VTCN1: variants seen among roughly 807,000 people sequenced by gnomAD.
The protein encoded by VTCN1 is V-set domain-containing T-cell activation inhibitor 1.
A neutral mutation model predicts 26.5 loss-of-function variants in VTCN1; 26 were observed. The ratio of observed to expected loss-of-function variants is 0.98; its 90% CI spans 0.72 to 1.36. The LOEUF is 1.36. Among genes scored for constraint, VTCN1 ranks in the 40% most tolerant of loss-of-function variants. The pLI is 0.00. For synonymous variants in VTCN1, 116 were observed against 130.7 expected (o/e 0.89, Z 0.77); for missense variants, 298 against 337.7 (o/e 0.88, Z 0.92).
chr1:117,153,402 C>A, intron 3 of VTCN1, 33 bp from the exon 4 acceptor site: 1 of 1,576,712 alleles, frequency 6.3e-7, no homozygotes, highest in South Asian at 1.2e-5. Context: ...GGGCAGATGC[C>A]AAAGTCAGAC....
intron 1 of VTCN1, among the ~76,000 whole-genome samples, chr1:117,180,627 G>C (rs1647627972): frequency 6.6e-6 from 1 of 152,256 alleles, no homozygotes; most frequent in Admixed American, 6.5e-5. Flanking sequence ...CTAATTGTCT[G>C]TCTTCCAAAG....
chr1:117,177,059 A>G (rs766310626), intron 1 of VTCN1, among the ~76,000 whole-genome samples: 11 of 152,232 alleles, frequency 7.2e-5, no homozygotes, highest in Admixed American at 1.3e-4. Context: ...AGATCGTGCC[A>G]TTGCACTCCA....
chr1:117,198,384 T>C (rs1648619079), intron 1 of VTCN1, among the ~76,000 whole-genome samples: 1 of 152,206 alleles, frequency 6.6e-6, no homozygotes, highest in Admixed American at 6.5e-5. Context: ...GGATTCCAGA[T>C]AGTGGGACAG....
Position 117,156,734 on chromosome 1 carries a change from T to G in VTCN1, c.285A>C (p.Glu95Asp). 1.2e-6 allele frequency: 2 copies of G among 1,614,146 alleles called. No individual in the cohort carries two copies. The highest frequency in any genetic ancestry group is 1.7e-6 in the Non-Finnish European group (2 of 1,180,014). The change falls in exon 3 of 6, where the codon GAA becomes GAC. Residue 95 changes from glutamate (E) to aspartate (D), a missense_variant. Coordinates refer to ENST00000369458, the MANE Select transcript of VTCN1 (RefSeq NM_024626.4). ...ACACTGCTGTCCGGCCTCTGAACAT[T>G]TCATCCTGCTCCGACAGCTCATCTT... The part of the protein sequence containing the change: ...EGKDELSEQD[E>D]MFRGRTAVFA...
rs1387781456 is a variant in VTCN1, at chr1:117,159,307, G to C, written c.98-2386C>G. Among the ~76,000 whole-genome samples the C allele has an allele frequency of 2.0e-5, 3 of 152,236 alleles. No homozygotes were observed. The highest frequency in any genetic ancestry group is 4.4e-5 in the Non-Finnish European group (3 of 68,038). ...GTTTCACATGGCTGGGGAGGCCTCA[G>C]AGTCATGGCGGGAGGTGAAAGGCAC... On this transcript the variant is annotated intron_variant, in intron 2 of 5. Transcript: ENST00000369458. The surrounding 1 kb of genome is among the most constrained non-coding windows in gnomAD (Gnocchi z 4.7).
intron 1 of VTCN1, chr1:117,203,609 G>A (rs2101605316): frequency 1.0e-6 from 1 of 985,350 alleles, no homozygotes; most frequent in South Asian, 4.7e-5. Flanking sequence ...TGTAGCCTGG[G>A]TTTCTTACCT....
chr1:117,156,754 C>T lies in VTCN1; in HGVS notation c.265G>A (p.Glu89Lys), dbSNP rs771030019. Residue 89 changes from glutamate (E) to lysine (K), a missense_variant, in exon 3 of 6, where the codon GAG becomes AAG. By Grantham distance (56) the Glu-to-Lys change is moderately conservative (BLOSUM62 1). Coordinates refer to ENST00000369458, the MANE Select transcript of VTCN1 (RefSeq NM_024626.4). ...LVHEFKEGKD[E>K]LSEQDEMFRG... The stretch of plus-strand genomic sequence containing the variant: ...AACATTTCATCCTGCTCCGACAGCT[C>T]ATCTTTGCCTTCTTTGAACTCATGG... The T allele has an allele frequency of 6.2e-7, 1 of 1,614,146 alleles. No homozygotes were observed. The highest frequency in any genetic ancestry group is 2.2e-5 in the East Asian group (1 of 44,874).
chr1:117,203,494 C>T (rs531206155), intron 1 of VTCN1: 74 of 562,528 alleles, frequency 1.3e-4, no homozygotes, highest in Admixed American at 8.2e-4. Context: ...TTCCCATGAC[C>T]GCTGTGCTGG....
At chr1:117,172,577 T>C (rs1172102819) in intron 1 of VTCN1, among the ~76,000 whole-genome samples, 2 of 148,304 alleles carry the variant, frequency 1.3e-5, no homozygotes, top group East Asian at 3.8e-4. Flanking sequence ...CTCTGAGGCT[T>C]ATTTTTTTGT....
At chr1:117,173,385 CA>C in intron 1 of VTCN1, 1 of 491,246 alleles carries the variant, frequency 2.0e-6, no homozygotes. Context: ...CACACACACA[CA>C]CACAACACCA....
Position 117,164,356 on chromosome 1 carries a change from G to T in VTCN1, c.97+5751C>A, listed in dbSNP as rs181691449. Among the ~76,000 whole-genome samples, 7 of 151,978 alleles carry T rather than the reference G, an allele frequency of 4.6e-5. 1 individual carries two copies. The South Asian group carries it at 6.2e-4, about 14-fold the overall frequency. ...TTCAACAGCTTCCCAGTTCTGGCAG[G>T]GGGGTGGGGTTGCGGGGGCGATACG... On this transcript the variant is annotated intron_variant, in intron 2 of 5. Transcript: ENST00000369458.
In VTCN1 at chr1:117,183,147, C is replaced by T. The variant is rs975037685; in HGVS notation, c.33-12976G>A. Reference sequence around the variant, plus strand: ...TTATATAAACCTGTGACTACTTTCTCCCATCTCCCGTCACCTCCACACTCC... The same window carrying T: ...TTATATAAACCTGTGACTACTTTCTTCCATCTCCCGTCACCTCCACACTCC... On this transcript the variant is annotated intron_variant, in intron 1 of 5. Coordinates refer to ENST00000369458, the MANE Select transcript of VTCN1 (RefSeq NM_024626.4). The surrounding 1 kb of genome is among the most constrained non-coding windows in gnomAD (Gnocchi z 4.1). Among the ~76,000 whole-genome samples, 1 of 152,258 alleles carries T rather than the reference C, an allele frequency of 6.6e-6. No homozygotes were observed. Among genetic ancestry groups the T allele is most frequent in the African/African-American group, 2.4e-5 (1 of 41,524 alleles).
intron 1 of VTCN1, chr1:117,203,762 G>A (rs1488347545): frequency 4.1e-6 from 4 of 985,284 alleles, no homozygotes; most frequent in Non-Finnish European, 4.8e-6. Context: ...TGCTTTTCTG[G>A]AGGAATCAGG....
At chr1:117,165,978 C>G (rs1652586760) in intron 2 of VTCN1, among the ~76,000 whole-genome samples, 1 of 152,148 alleles carries the variant, frequency 6.6e-6, no homozygotes, top group Admixed American at 6.5e-5. Flanking sequence ...CCCATTTTAT[C>G]CAAATAACCA....
rs1488193830 is a variant in VTCN1, at chr1:117,144,921, T to A, written c.*350A>T. 6 of 152,614 alleles carry A rather than the reference T, an allele frequency of 3.9e-5. No homozygotes were observed. Among genetic ancestry groups the A allele is most frequent in the Non-Finnish European group, 8.8e-5 (6 of 68,034 alleles). 9.5% of individuals were successfully genotyped at this position (152,614 alleles called of 1,614,324 possible). A position where few individuals can be genotyped will look rare whatever the true frequency, so the allele number is the denominator to read the frequency against. On this transcript the variant is annotated 3_prime_UTR_variant, in exon 6 of 6. Transcript: ENST00000369458. Reference sequence around the variant, plus strand: ...ATTCAGAGACAAAGAACATGCACTATCCTGTCCTCTCACTCCCCAGGTGAC... The same window carrying A: ...ATTCAGAGACAAAGAACATGCACTAACCTGTCCTCTCACTCCCCAGGTGAC...
Position 117,146,004 on chromosome 1 carries a change from G to C in VTCN1, c.*46-779C>G, listed in dbSNP as rs1651485679. Among the ~76,000 whole-genome samples the C allele has an allele frequency of 6.6e-6, 1 of 152,172 alleles. No homozygotes were observed. The highest frequency in any genetic ancestry group is 1.5e-5 in the Non-Finnish European group (1 of 68,034). On this transcript the variant is annotated intron_variant, in intron 5 of 5. Coordinates refer to ENST00000369458, the MANE Select transcript of VTCN1 (RefSeq NM_024626.4). The surrounding 1 kb of genome is among the most constrained non-coding windows in gnomAD (Gnocchi z 4.2). ...CTATGGTGCCAGGGAGAAAGAGGTG[G>C]ACTGCAGCTAACTGGGTAATTGTAT...
chr1:117,169,749 C>T lies in VTCN1; in HGVS notation c.97+358G>A, dbSNP rs1652798899. Among the ~76,000 whole-genome samples the T allele has an allele frequency of 6.6e-6, 1 of 152,018 alleles. No individual in the cohort carries two copies. Among genetic ancestry groups the T allele is most frequent in the African/African-American group, 2.4e-5 (1 of 41,382 alleles). ...CTCTACTAAAAATAAAAAAATTAGC[C>T]TGGCATGGTGGTGCACATGCCTGTA... is the stretch of plus-strand genomic sequence containing the variant. On this transcript the variant is annotated intron_variant, in intron 2 of 5. Transcript: ENST00000369458. This position sits in a 1 kb window ranked among gnomAD's most constrained non-coding sequence, Gnocchi z 4.0.
Position 117,166,083 on chromosome 1 carries a change from G to A in VTCN1, c.97+4024C>T, listed in dbSNP as rs191665299. ...TGATGGTACATTACTGGATTGAGCAGACTGTTACTTCCATCTATTCACACC... is the reference window on the plus strand; with the variant it reads ...TGATGGTACATTACTGGATTGAGCAAACTGTTACTTCCATCTATTCACACC... On this transcript the variant is annotated intron_variant, in intron 2 of 5. Coordinates refer to ENST00000369458, the MANE Select transcript of VTCN1 (RefSeq NM_024626.4). Among the ~76,000 whole-genome samples, 460 of 152,318 alleles carry A rather than the reference G, an allele frequency of 3.0e-3. 3 individuals are homozygous for A. The highest frequency in any genetic ancestry group is 0.011 in the African/African-American group (447 of 41,570).
intron 1 of VTCN1, among the ~76,000 whole-genome samples, chr1:117,209,784 T>C (rs539675332): frequency 1.3e-5 from 2 of 152,320 alleles, no homozygotes; most frequent in Non-Finnish European, 2.9e-5. Context: ...GGCAGGTGAT[T>C]TCAGATAAAC....
Sources: allele counts gnomAD v4.1 joint callset (sites outside exome capture counted in the v4.1 genomes callset), GRCh38; gene constraint gnomAD v4.1.1; non-coding constraint Gnocchi (gnomAD v3.1); transcripts MANE v1.5; gene names NCBI Gene and HGNC (gene_info 2026-07-23, HGNC 2026-07-21).